ALG3: variants seen among roughly 807,000 people sequenced by gnomAD.
The protein encoded by ALG3 is ALG3 alpha-1,3- mannosyltransferase, also known as dol-P-Man:Man(5)GlcNAc(2)-PP-Dol alpha-1,3-mannosyltransferase.
A neutral mutation model predicts 50.5 loss-of-function variants in ALG3; 39 were observed. The ratio of observed to expected loss-of-function variants is 0.77; its 90% CI spans 0.60 to 1.01. The LOEUF is 1.01. ALG3 is among the 50% of genes least tolerant of loss of function. ALG3 has a pLI of 0.00. For missense variants in ALG3, 520 were observed against 554.8 expected (o/e 0.94, Z 0.63); for synonymous variants, 252 against 237.2 (o/e 1.06, Z -0.58).
At chr3:184,247,914 C>T (rs1719253566) in intron 1 of ALG3, among the ~76,000 whole-genome samples, 2 of 150,942 alleles carry the variant, frequency 1.3e-5, no homozygotes, top group Middle Eastern at 3.2e-3. Flanking sequence ...GGCGTGATCT[C>T]GGCTCACTGA....
chr3:184,242,377 T>G lies in ALG3; in HGVS notation c.*137A>C. The G allele has an allele frequency of 9.1e-7, 1 of 1,104,374 alleles. No individual in the cohort carries two copies. Among genetic ancestry groups the G allele is most frequent in the Non-Finnish European group, 1.3e-6 (1 of 743,340 alleles). The allele number at this position is 1,104,374 out of a possible 1,614,324, so 68.4% of individuals were successfully genotyped here. A position where few individuals can be genotyped will look rare whatever the true frequency, so the allele number is the denominator to read the frequency against. Reference sequence around the variant, plus strand: ...TGCTCCATACGTGTCCCTCACAGCCTGGACCAGGCATCGGCTGCCCCCACC... The same window carrying G: ...TGCTCCATACGTGTCCCTCACAGCCGGGACCAGGCATCGGCTGCCCCCACC... On this transcript the variant is annotated 3_prime_UTR_variant, in exon 9 of 9. Transcript: ENST00000397676.
rs545079860 is a variant in ALG3 at position 184,242,624 on chromosome 3, A to C, written c.1207T>G (p.Ser403Ala). Reference sequence around the variant, plus strand: ...ATGTGCAGGGCAGCAGAGCTGCAGGATGTGGAAGGGTATGTGTTCCAGGAG... The same window carrying C: ...ATGTGCAGGGCAGCAGAGCTGCAGGCTGTGGAAGGGTATGTGTTCCAGGAG... ...ELSWNTYPSTSCSSAALHICH... is the reference protein window; with the variant it reads ...ELSWNTYPSTACSSAALHICH... Residue 403 changes from serine to alanine, a missense_variant, in exon 9 of 9, where the codon TCC (serine) becomes GCC (alanine). Ser to Ala is a moderately conservative substitution (Grantham distance 99). This residue lies in a region of ALG3 where 224 missense variants were observed against 272.8 expected (regional missense o/e 0.82). Transcript: ENST00000397676. 9.5e-6 allele frequency: 15 copies of C among 1,577,324 alleles called. No homozygotes were observed. The highest frequency in any genetic ancestry group is 1.3e-5 in the Non-Finnish European group (15 of 1,158,228).
chr3:184,249,518 G>T, upstream of ALG3: 1 of 789,580 alleles, frequency 1.3e-6, no homozygotes, highest in Non-Finnish European at 2.0e-6. Context: ...GGGTCTGGAC[G>T]ATAGTTTTCC....
chr3:184,248,644 G>A (rs992257673), intron 1 of ALG3, 101 bp downstream of exon 1: 5 of 1,105,896 alleles, frequency 4.5e-6, no homozygotes, highest in Non-Finnish European at 6.4e-6. Context: ...TGACGAGTGA[G>A]TGGATACAGA....
chr3:184,244,548 C>A, intron 5 of ALG3, 53 bp downstream of exon 5: 1 of 1,577,160 alleles, frequency 6.3e-7, no homozygotes, highest in Non-Finnish European at 8.6e-7. Context: ...GCCCCTCAAT[C>A]AAGACAAGTG....
chr3:184,249,371 C>T, upstream of ALG3: 1 of 1,333,558 alleles, frequency 7.5e-7, no homozygotes, highest in Admixed American at 2.5e-5. Context: ...AAAAATGAAC[C>T]TTTCACTAAT....
chr3:184,248,902 G>A lies in ALG3; in HGVS notation c.39C>T (p.Ser13=), dbSNP rs1332406032. The change falls in exon 1 of 9, where the codon TCC becomes TCT. Residue 13 remains serine, a synonymous_variant. Coordinates refer to ENST00000397676, the MANE Select transcript of ALG3 (RefSeq NM_005787.6). ...AGLRKRGRSG[S]AAQAEGLCKQ... The stretch of plus-strand genomic sequence containing the variant: ...TGCAGAGTCCCTCTGCCTGGGCCGC[G>A]GAACCGGACCGGCCGCGTTTCCGCA... 4 of 1,598,338 alleles carry A rather than the reference G, an allele frequency of 2.5e-6. No individual in the cohort carries two copies. Among genetic ancestry groups the A allele is most frequent in the Non-Finnish European group, 3.4e-6 (4 of 1,173,016 alleles).
rs773488979 is a variant in ALG3, at chr3:184,243,944, C to A, written c.779G>T (p.Arg260Leu). Residue 260 changes from arginine (R) to leucine (L), a missense_variant, in exon 6 of 9, where the codon CGC becomes CTC. This residue lies in a region of ALG3 where 224 missense variants were observed against 272.8 expected (regional missense o/e 0.82). Coordinates refer to ENST00000397676, the MANE Select transcript of ALG3 (RefSeq NM_005787.6). ...LLENPSGYLS[R>L]SFDLGRQFLF... ...AAACTGGCGGCCAAGGTCAAAGGAG[C>A]GGGACAGGTAGCCGCTGGGGTTCTC... The A allele has an allele frequency of 3.1e-6, 5 of 1,613,792 alleles. No homozygotes were observed. In the East Asian group the frequency reaches 1.1e-4, roughly 36 times the overall value.
Position 184,242,462 on chromosome 3 carries a change from C to T in ALG3, c.*52G>A, listed in dbSNP as rs1718841898. ...GTTTATTTGGAAGGGCAGAGTCCAA[C>T]CAACCCCAGGTCCTGAGGGTAGACT... On this transcript the variant is annotated 3_prime_UTR_variant, in exon 9 of 9. Transcript: ENST00000397676. 6.3e-7 allele frequency: 1 copy of T among 1,586,954 alleles called. No homozygotes were observed. Among genetic ancestry groups the T allele is most frequent in the Non-Finnish European group, 8.6e-7 (1 of 1,166,004 alleles).
At chr3:184,245,975 A>G (rs1234896524) in intron 1 of ALG3, among the ~76,000 whole-genome samples, 163 bp from the exon 2 acceptor site, 1 of 152,190 alleles carries the variant, frequency 6.6e-6, no homozygotes, top group Non-Finnish European at 1.5e-5. Flanking sequence ...GAGCCCAGGC[A>G]TCTCAAACTC....
At chr3:184,249,436 A>G, upstream of ALG3, 1 of 875,408 alleles carries the variant, frequency 1.1e-6, no homozygotes, top group Non-Finnish European at 1.7e-6. Flanking sequence ...GGACGCAGTG[A>G]TGAGCCCACG....
chr3:184,243,308 T>C (rs1718935930), intron 7 of ALG3: 1 of 581,946 alleles, frequency 1.7e-6, no homozygotes, highest in Non-Finnish European at 3.0e-6. Context: ...CTTTCAATAT[T>C]AGAACATATG....
At chr3:184,243,425 CAGA>C in intron 7 of ALG3, 126 bp downstream of exon 7, 1 of 774,774 alleles carries the variant, frequency 1.3e-6, no homozygotes, top group Non-Finnish European at 2.2e-6. Flanking sequence ...CACAGTGGTG[CAGA>C]ATAGGACTTC....
chr3:184,244,547 T>C, intron 5 of ALG3, 54 bp downstream of exon 5: 15 of 1,575,874 alleles, frequency 9.5e-6, no homozygotes, highest in Non-Finnish European at 1.2e-5. Context: ...AGCCCCTCAA[T>C]CAAGACAAGT....
In ALG3 at chr3:184,244,901, C is replaced by G. The variant is rs1182759907; in HGVS notation, c.606-180G>C. ...GGAAGAGCCTGGAGTAGGCAGGAGG[C>G]AGATACATAGTCTCTATGCCTACTA... On this transcript the variant is annotated intron_variant, in intron 4 of 8. Transcript: ENST00000397676. 22 of 869,844 alleles carry G rather than the reference C, an allele frequency of 2.5e-5. 1 individual carries two copies. Among genetic ancestry groups the G allele is most frequent in the Non-Finnish European group, 2.6e-5 (15 of 571,902 alleles). The allele number at this position is 869,844 out of a possible 1,614,324, so 53.9% of individuals were successfully genotyped here.
intron 4 of ALG3, 197 bp downstream of exon 4, chr3:184,245,001 G>A (rs1719049718): frequency 1.2e-6 from 1 of 819,568 alleles, no homozygotes; most frequent in African/African-American, 1.7e-5. Context: ...CTGGGAGGAA[G>A]ACAGGATGGA....
chr3:184,243,642 C>G lies in ALG3; in HGVS notation c.933-12G>C. On this transcript the variant is annotated splice_polypyrimidine_tract_variant and intron_variant, in intron 6 of 8. Transcript: ENST00000397676. The stretch of plus-strand genomic sequence containing the variant: ...TACTTTCCCCTGTCCTGGAGAAAAG[C>G]CATTCAGACAGTTATCAAGCCCCTT... The G allele has an allele frequency of 6.2e-7, 1 of 1,613,754 alleles. No individual in the cohort carries two copies. The highest frequency in any genetic ancestry group is 8.5e-7 in the Non-Finnish European group (1 of 1,179,780).
chr3:184,244,842 T>A, intron 4 of ALG3, 121 bp from the exon 5 acceptor site: 2 of 1,349,698 alleles, frequency 1.5e-6, no homozygotes, highest in Admixed American at 2.2e-5. Context: ...GCCAACAAAC[T>A]CCAAGATGGG....
chr3:184,245,204 A>C lies in ALG3; in HGVS notation c.599T>G (p.Phe200Cys), dbSNP rs111918145. ...LAQRWGWGCC[F>C]FSLAVSVKMN... ...GAAAGGAAGAGGTGTTGACCTGAAA[A>C]AGCAGCAACCCCAGCCCCAGCGCTG... The change falls in exon 4 of 9, where the codon TTT (phenylalanine) becomes TGT (cysteine). Residue 200 changes from phenylalanine (F) to cysteine (C), a missense_variant. Physicochemically the swap from Phe to Cys is radical, Grantham distance 205. Transcript: ENST00000397676. The C allele has an allele frequency of 6.2e-7, 1 of 1,613,880 alleles. No individual in the cohort carries two copies.
Sources: gnomAD v4.1 joint callset for allele counts (sites outside exome capture counted in the v4.1 genomes callset) on GRCh38, gnomAD v4.1.1 for gene constraint, gnomAD v4.1.1 regional missense constraint, MANE v1.5 for transcripts, NCBI Gene and HGNC (gene_info 2026-07-23, HGNC 2026-07-21) for gene names.